The following SGCD variants were observed in gnomAD, a reference collection of about 807,000 sequenced individuals.
The protein encoded by SGCD is sarcoglycan delta.
A neutral mutation model predicts 36.6 loss-of-function variants in SGCD; 18 were observed. That is an observed-to-expected ratio of 0.49 (90% CI 0.34 to 0.73). The LOEUF is 0.73. SGCD is among the 30% of genes least tolerant of loss of function. SGCD has a pLI of 0.01. For synonymous variants in SGCD, 133 were observed against 130.6 expected, an observed-to-expected ratio of 1.02 and a Z score of -0.12; for missense variants, 387 against 346.7, an observed-to-expected ratio of 1.12 and a Z score of -0.92.
intron 3 of SGCD, among the ~76,000 whole-genome samples, chr5:156,215,423 C>T (rs540151569): frequency 3.6e-4 from 55 of 152,146 alleles, no homozygotes; most frequent in African/African-American, 1.3e-3. Context: ...TATGTGCAAA[C>T]CATACATCTC....
intron 3 of SGCD, among the ~76,000 whole-genome samples, chr5:156,430,748 C>T (rs781507940): frequency 6.6e-6 from 1 of 151,810 alleles, no homozygotes; most frequent in Non-Finnish European, 1.5e-5. Flanking sequence ...GGAGTGAAAA[C>T]TTTGTATGTG....
intron 3 of SGCD, among the ~76,000 whole-genome samples, chr5:156,485,227 G>A (rs1755605355): frequency 6.6e-6 from 1 of 152,128 alleles, no homozygotes; most frequent in South Asian, 2.1e-4. Context: ...TTGAGTATAA[G>A]GGAGGCTTCC....
intron 1 of SGCD, among the ~76,000 whole-genome samples, chr5:156,023,587 T>C (rs528198380): frequency 1.3e-5 from 2 of 152,320 alleles, no homozygotes; most frequent in South Asian, 2.1e-4. Flanking sequence ...GTCACTTCTC[T>C]CAAGTAACTT....
chr5:155,821,761 T>C, the SGCD span, among the ~76,000 whole-genome samples: 58 of 152,358 alleles, frequency 3.8e-4, no homozygotes, highest in Middle Eastern at 0.014. Context: ...GGAGCAATAC[T>C]ATTTAATCTT....
At chr5:155,904,555 G>T (rs1202014917) in intron 1 of SGCD, among the ~76,000 whole-genome samples, 2 of 152,052 alleles carry the variant, frequency 1.3e-5, no homozygotes, top group Admixed American at 6.6e-5. Flanking sequence ...ATTTTTAAAA[G>T]AATAATTACG....
At chr5:156,323,205 G>T (rs1007539465), upstream of SGCD, among the ~76,000 whole-genome samples, 13 of 152,168 alleles carry the variant, frequency 8.5e-5, no homozygotes, top group Non-Finnish European at 1.5e-5. Flanking sequence ...TTCATGGATT[G>T]CATCAATAGA....
At chr5:156,011,437 C>A (rs959893030) in intron 1 of SGCD, among the ~76,000 whole-genome samples, 4 of 150,918 alleles carry the variant, frequency 2.7e-5, no homozygotes, top group Admixed American at 6.9e-5. Context: ...AAATAATCTG[C>A]AGAATTCTAT....
rs186212964 is a variant in SGCD at position 156,242,472 on chromosome 5, C to T, written c.-43-87062C>T. ...AAAATTTCATAGACCTAAAGACCTA[C>T]GCACGTGAGTACATGTAAGACTTGG... On this transcript the variant is annotated intron_variant, in intron 3 of 9. Transcript: ENST00000517913. Among the ~76,000 whole-genome samples, 434 of 152,236 alleles carry T rather than the reference C, an allele frequency of 2.9e-3. 1 individual carries two copies. The highest frequency in any genetic ancestry group is 1.0e-2 in the African/African-American group (415 of 41,550).
intron 3 of SGCD, among the ~76,000 whole-genome samples, chr5:156,391,643 G>A (rs552755199): frequency 6.6e-6 from 1 of 152,242 alleles, no homozygotes; most frequent in South Asian, 2.1e-4. Flanking sequence ...GAAAATGTGT[G>A]TATATTATAT....
At chr5:156,723,393 T>C (rs1486274962) in intron 7 of SGCD, among the ~76,000 whole-genome samples, 2 of 152,210 alleles carry the variant, frequency 1.3e-5, no homozygotes, top group African/African-American at 4.8e-5. Context: ...ACCTATTTAT[T>C]ATAGACTTAA....
At chr5:156,671,628 T>A (rs1753298619) in intron 7 of SGCD, among the ~76,000 whole-genome samples, 1 of 152,134 alleles carries the variant, frequency 6.6e-6, no homozygotes, top group Admixed American at 6.6e-5. Flanking sequence ...TTTGTGTACA[T>A]AGATGGGACT....
chr5:155,815,773 G>A, the SGCD span, among the ~76,000 whole-genome samples: 1 of 152,086 alleles, frequency 6.6e-6, no homozygotes, highest in Admixed American at 6.6e-5. Flanking sequence ...CTGCCCCCAT[G>A]ATCCAGTCAC....
chr5:155,813,615 G>T, the SGCD span, among the ~76,000 whole-genome samples: 2,662 of 152,216 alleles, frequency 0.017, 84 homozygotes, highest in African/African-American at 0.059. Flanking sequence ...TTGGCATCCT[G>T]CTTGGGATTC....
intron 3 of SGCD, among the ~76,000 whole-genome samples, chr5:156,243,636 T>C (rs1286939629): frequency 6.6e-6 from 1 of 152,246 alleles, no homozygotes; most frequent in African/African-American, 2.4e-5. Context: ...ATGTAACACA[T>C]GTAACACTCA....
chr5:155,819,512 C>G, the SGCD span, among the ~76,000 whole-genome samples: 5 of 152,164 alleles, frequency 3.3e-5, no homozygotes, highest in African/African-American at 1.2e-4. Context: ...TTACCATGTA[C>G]TTTTATGTGG....
intron 1 of SGCD, among the ~76,000 whole-genome samples, chr5:156,005,696 C>T (rs112706478): frequency 6.6e-6 from 1 of 152,280 alleles, no homozygotes; most frequent in East Asian, 1.9e-4. Context: ...ATGATCCGCC[C>T]GCCTTGGCCT....
At chr5:156,118,470 A>G (rs908285076) in intron 2 of SGCD, among the ~76,000 whole-genome samples, 10 of 152,160 alleles carry the variant, frequency 6.6e-5, no homozygotes, top group Non-Finnish European at 1.0e-4. Flanking sequence ...GTGGATGCAC[A>G]CAGAGAAGAG....
chr5:156,152,641 G>T (rs1377207287), intron 3 of SGCD, among the ~76,000 whole-genome samples: 1 of 151,568 alleles, frequency 6.6e-6, no homozygotes, highest in Admixed American at 6.6e-5. Context: ...TTGACTACCT[G>T]TTGAAATGGT....
intron 3 of SGCD, among the ~76,000 whole-genome samples, chr5:156,288,186 C>T (rs541593668): frequency 1.3e-5 from 2 of 152,070 alleles, no homozygotes; most frequent in African/African-American, 2.4e-5. Context: ...GTAGAACTCT[C>T]GGGAGCTTTG....
Sources: allele counts gnomAD v4.1 joint callset (sites outside exome capture counted in the v4.1 genomes callset), GRCh38; gene constraint gnomAD v4.1.1; transcripts MANE v1.5; gene names NCBI Gene and HGNC (gene_info 2026-07-23, HGNC 2026-07-21).